The following SI variants were observed in gnomAD, a reference collection of about 807,000 sequenced individuals.
SI encodes sucrase-isomaltase, intestinal.
SI carries 235 observed loss-of-function variants against 253.3 expected under a neutral mutation model. The observed-to-expected ratio is 0.93, with a 90% CI of 0.83 to 1.03. The LOEUF is 1.03. SI is among the 50% of genes least tolerant of loss of function. The probability of loss-of-function intolerance (pLI) is 0.00; values close to 1 mark genes in which losing one functional copy is unlikely to be tolerated. For synonymous variants in SI, 819 were observed against 712.0 expected (o/e 1.15, Z -2.39); for missense variants, 2,442 against 2,211.1 (o/e 1.10, Z -2.09).
intron 41 of SI, among the ~76,000 whole-genome samples, chr3:164,993,100 G>A (rs930455686): frequency 3.3e-5 from 5 of 151,728 alleles, no homozygotes; most frequent in African/African-American, 1.2e-4. Flanking sequence ...GAATTGGAAA[G>A]ATGGGCTTAC....
At position 164,979,331 on chromosome 3, in the gene SI, T is replaced by TC. The variant is rs1281601102; in HGVS notation, c.*30dup. ...GTGAAACTTAAATCCTGGTGTTTTT[T>TC]CCCATTGACAACTAAAATTGATGGT... On this transcript the variant is annotated 3_prime_UTR_variant, in exon 48 of 48. Transcript: ENST00000264382. The TC allele has an allele frequency of 1.8e-5, 24 of 1,327,878 alleles. 1 individual carries two copies. Among genetic ancestry groups the TC allele is most frequent in the East Asian group, 6.9e-5 (3 of 43,442 alleles). The allele number at this position is 1,327,878 out of a possible 1,614,324, so 82.3% of individuals were successfully genotyped here. A position where few individuals can be genotyped will look rare whatever the true frequency, so the allele number is the denominator to read the frequency against.
chr3:165,032,054 A>T (rs890305021), intron 24 of SI, among the ~76,000 whole-genome samples: 3 of 151,230 alleles, frequency 2.0e-5, no homozygotes, highest in Non-Finnish European at 3.0e-5. Flanking sequence ...CACAAAATTA[A>T]AGTTAGAAAA....
At position 164,991,381 on chromosome 3, in the gene SI, G is replaced by C; in HGVS notation, c.5080C>G (p.Gln1694Glu). Residue 1694 changes from glutamine to glutamate, a missense_variant, in exon 44 of 48, where the codon CAA (glutamine) becomes GAA (glutamate). Coordinates refer to ENST00000264382, the MANE Select transcript of SI (RefSeq NM_001041.4). ...TAAAATGTGTTTTGAGCTGGCTCTT[G>C]ACATGGTAGGATGTGACCACCACGG... The part of the protein sequence containing the change: ...HVRGGHILPC[Q>E]EPAQNTFYSR... The C allele has an allele frequency of 6.2e-7, 1 of 1,613,724 alleles. No homozygotes were observed. Among genetic ancestry groups the C allele is most frequent in the Non-Finnish European group, 8.5e-7 (1 of 1,179,784 alleles).
At chr3:165,083,098 A>G (rs898014658), upstream of SI, among the ~76,000 whole-genome samples, 1 of 151,956 alleles carries the variant, frequency 6.6e-6, no homozygotes, top group Non-Finnish European at 1.5e-5. Context: ...TTTTGCAGCT[A>G]CAATATGGCC....
chr3:165,018,067 C>A lies in SI; in HGVS notation c.3424-1G>T. ...GAAATCCATAGGAATTAAGTTTGTA[C>A]TGAAATACGAAAAATAAGCACAATA... On this transcript the variant is annotated splice_acceptor_variant, in intron 28 of 47. Coordinates refer to ENST00000264382, the MANE Select transcript of SI (RefSeq NM_001041.4). LOFTEE classifies it high-confidence loss of function. The A allele has an allele frequency of 6.5e-7, 1 of 1,546,504 alleles. No individual in the cohort carries two copies. Among genetic ancestry groups the A allele is most frequent in the Non-Finnish European group, 8.9e-7 (1 of 1,118,990 alleles).
chr3:165,005,177 C>G (rs1446060781), intron 37 of SI, among the ~76,000 whole-genome samples: 2 of 151,924 alleles, frequency 1.3e-5, no homozygotes, highest in African/African-American at 4.8e-5. Context: ...TTTAAATTAC[C>G]CAGTCTCAGG....
chr3:165,066,687 T>C (rs1714264386), intron 6 of SI, among the ~76,000 whole-genome samples: 1 of 151,934 alleles, frequency 6.6e-6, no homozygotes, highest in Non-Finnish European at 1.5e-5. Context: ...GTATTTGCCT[T>C]TTTGTGCCTG....
chr3:164,987,657 C>T (rs531531084), intron 44 of SI, among the ~76,000 whole-genome samples: 74 of 151,936 alleles, frequency 4.9e-4, no homozygotes, highest in African/African-American at 1.6e-3. Flanking sequence ...TCCAGTGAGC[C>T]GAGATTGCAC....
chr3:165,050,385 C>G (rs2108234169), intron 13 of SI, among the ~76,000 whole-genome samples: 1 of 152,156 alleles, frequency 6.6e-6, no homozygotes, highest in Middle Eastern at 3.4e-3. Context: ...TATGGCTTCA[C>G]AGAATCTCTG....
chr3:165,084,464 A>G, the SI span, among the ~76,000 whole-genome samples: 1 of 151,968 alleles, frequency 6.6e-6, no homozygotes, highest in Non-Finnish European at 1.5e-5. Context: ...TGACAAAACA[A>G]ATTGCTACCT....
intron 45 of SI, among the ~76,000 whole-genome samples, chr3:164,985,149 G>A (rs1273989198): frequency 1.3e-5 from 2 of 152,154 alleles, no homozygotes; most frequent in African/African-American, 4.8e-5. Context: ...ATAGGGTAAA[G>A]TCCACACCAA....
intron 12 of SI, among the ~76,000 whole-genome samples, chr3:165,056,771 A>G (rs1713712305): frequency 6.6e-6 from 1 of 152,154 alleles, no homozygotes; most frequent in Non-Finnish European, 1.5e-5. Flanking sequence ...ATTGGGCTTG[A>G]GGTGCCTCCT....
intron 25 of SI, among the ~76,000 whole-genome samples, chr3:165,029,078 G>GA (rs1712082243): frequency 6.6e-6 from 1 of 150,482 alleles, no homozygotes; most frequent in Non-Finnish European, 1.5e-5. Flanking sequence ...AATTTAGCAG[G>GA]AAAAAACAAA....
intron 34 of SI, among the ~76,000 whole-genome samples, chr3:165,011,100 A>G (rs1033168064): frequency 6.6e-6 from 1 of 152,194 alleles, no homozygotes. Flanking sequence ...TTTTCTATTT[A>G]TTTTGTGTTT....
At chr3:165,006,706 G>T (rs1718526107) in intron 37 of SI, 110 bp downstream of exon 37, 2 of 911,982 alleles carry the variant, frequency 2.2e-6, no homozygotes, top group Non-Finnish European at 3.5e-6. Flanking sequence ...AGAACAATTG[G>T]GAAGTAAAGA....
intron 44 of SI, among the ~76,000 whole-genome samples, chr3:164,990,416 G>C (rs138634614): frequency 9.3e-4 from 142 of 152,066 alleles, no homozygotes; most frequent in African/African-American, 3.0e-3. Flanking sequence ...GATCATAAAG[G>C]TTTCATTTAT....
chr3:165,050,752 T>C (rs1713384859), intron 13 of SI, among the ~76,000 whole-genome samples: 4 of 152,100 alleles, frequency 2.6e-5, no homozygotes, highest in Admixed American at 2.6e-4. Context: ...CTTGTCTGTG[T>C]TACTTTTATT....
intron 13 of SI, 82 bp downstream of exon 13, chr3:165,055,112 T>G (rs2108241999): frequency 1.2e-6 from 1 of 848,074 alleles, no homozygotes; most frequent in South Asian, 1.4e-5. Flanking sequence ...CAGAAAAAAA[T>G]ATTTTGTTGA....
In SI at chr3:165,017,717, C is replaced by T. The variant is rs111724727; in HGVS notation, c.3633+44G>A. On this transcript the variant is annotated intron_variant, in intron 30 of 47. Transcript: ENST00000264382. ...TGTGAACTAAGAGAATTACTTTATG[C>T]TATAAAAATTTTTAATTTTTTTAAA... 3.1e-5 allele frequency: 49 copies of T among 1,600,220 alleles called. 1 individual carries two copies. The highest frequency in any genetic ancestry group is 2.0e-4 in the African/African-American group (15 of 73,896).
Sources: allele counts gnomAD v4.1 joint callset (sites outside exome capture counted in the v4.1 genomes callset), GRCh38; gene constraint gnomAD v4.1.1; transcripts MANE v1.5; gene names NCBI Gene and HGNC (gene_info 2026-07-23, HGNC 2026-07-21).